GAB2: variants seen among roughly 807,000 people sequenced by gnomAD.
The protein encoded by GAB2 is GRB2-associated-binding protein 2.
Under a neutral mutation model 65.5 loss-of-function variants are expected in GAB2, and 26 were observed. That is an observed-to-expected ratio of 0.40 (90% CI 0.29 to 0.55). GAB2 has a LOEUF of 0.55. GAB2 is among the 20% of genes least tolerant of loss of function. The pLI, the probability that GAB2 is intolerant of heterozygous loss-of-function variation, is 0.53. For synonymous variants in GAB2, 321 were observed against 329.6 expected (o/e 0.97, Z 0.28); for missense variants, 884 against 875.8 (o/e 1.01, Z -0.12).
In GAB2 at chr11:78,244,766, A is replaced by G. The variant is rs150575611; in HGVS notation, c.620+5391T>C. Among the ~76,000 whole-genome samples the G allele has an allele frequency of 2.2e-3, 332 of 151,586 alleles. 1 individual carries two copies. The highest frequency in any genetic ancestry group is 7.4e-3 in the African/African-American group (305 of 41,356). ...TTATCTCACCCCAGTTGGGATGGCTATTTTCCAGAAGAAAAATAACAGATG... is the reference window on the plus strand; with the variant it reads ...TTATCTCACCCCAGTTGGGATGGCTGTTTTCCAGAAGAAAAATAACAGATG... On this transcript the variant is annotated intron_variant, in intron 3 of 9. Coordinates refer to ENST00000361507, the MANE Select transcript of GAB2 (RefSeq NM_080491.3).
intron 1 of GAB2, among the ~76,000 whole-genome samples, chr11:78,407,696 AG>A (rs1361141126): frequency 6.7e-6 from 1 of 149,784 alleles, no homozygotes; most frequent in Non-Finnish European, 1.5e-5. Flanking sequence ...AAAGAAAGAA[AG>A]AAAGAGATGG....
intron 1 of GAB2, among the ~76,000 whole-genome samples, chr11:78,391,299 AAAAT>A (rs1044313179): frequency 6.6e-6 from 1 of 152,192 alleles, no homozygotes; most frequent in Non-Finnish European, 1.5e-5. Context: ...TCTAAATTAA[AAAAT>A]AAATAAATAA....
Position 78,251,086 on chromosome 11 carries a change from C to A in GAB2, c.377-686G>T, listed in dbSNP as rs76136925. ...CCATGTAACACACTTGCACATGTAC[C>A]CTGGCATCTGAAAAACAAGTTGAAA... On this transcript the variant is annotated intron_variant, in intron 2 of 9. Transcript: ENST00000361507. Among the ~76,000 whole-genome samples, 506 of 150,890 alleles carry A rather than the reference C, an allele frequency of 3.4e-3. 1 individual carries two copies. The highest frequency in any genetic ancestry group is 0.012 in the African/African-American group (482 of 40,798).
intron 1 of GAB2, among the ~76,000 whole-genome samples, chr11:78,322,264 A>C (rs1458237045): frequency 7.2e-6 from 1 of 139,556 alleles, no homozygotes; most frequent in Non-Finnish European, 1.5e-5. Context: ...GAGCTACTGC[A>C]CTGAAGCCTG....
chr11:78,343,374 G>C (rs1384322175), intron 1 of GAB2, among the ~76,000 whole-genome samples: 1 of 145,006 alleles, frequency 6.9e-6, no homozygotes, highest in African/African-American at 2.5e-5. Flanking sequence ...AATTAGGGGA[G>C]GGAAGGAGAG....
At chr11:78,399,300 T>A (rs1856940684) in intron 1 of GAB2, among the ~76,000 whole-genome samples, 1 of 152,090 alleles carries the variant, frequency 6.6e-6, no homozygotes, top group Non-Finnish European at 1.5e-5. Context: ...GAATTAGAGA[T>A]GAAAAAAGTG....
rs1217873241 is a variant in GAB2, at chr11:78,417,688, G to A, written c.33C>T (p.Gly11=). MSGGGDVVCT[G]WLRKSPPEKK... ...TCTCGGGAGGCGATTTCCTCAGCCA[G>A]CCGGTGCACACCACGTCGCCGCCGC... Residue 11 remains glycine (G), a synonymous_variant, in exon 1 of 10, where the codon GGC becomes GGT. Transcript: ENST00000361507. 3.6e-6 allele frequency: 5 copies of A among 1,387,114 alleles called. No individual in the cohort carries two copies. The highest frequency in any genetic ancestry group is 2.6e-5 in the South Asian group (2 of 76,616). 85.9% of individuals were successfully genotyped at this position (1,387,114 alleles called of 1,614,324 possible). A position where few individuals can be genotyped will look rare whatever the true frequency, so the allele number is the denominator to read the frequency against.
chr11:78,233,040 G>GTTTTTTTTTTTTTTTTTTTTT (rs372693456), intron 3 of GAB2, among the ~76,000 whole-genome samples: 2 of 132,004 alleles, frequency 1.5e-5, no homozygotes, highest in African/African-American at 6.0e-5. Context: ...GCACTGTTAA[G>GTTTTTTTTTTTTTTTTTTTTT]TTTTTTTTTT....
intron 1 of GAB2, among the ~76,000 whole-genome samples, chr11:78,396,214 C>T (rs977162877): frequency 2.6e-5 from 4 of 152,118 alleles, no homozygotes; most frequent in East Asian, 1.9e-4. Context: ...AAAGTTTCAC[C>T]GTAGTTCAAA....
chr11:78,244,705 C>T (rs1244462877), intron 3 of GAB2, among the ~76,000 whole-genome samples: 1 of 127,222 alleles, frequency 7.9e-6, no homozygotes, highest in Non-Finnish European at 1.6e-5. Flanking sequence ...TCTCACTAAT[C>T]AGCAGGGAAA....
intron 1 of GAB2, among the ~76,000 whole-genome samples, chr11:78,339,878 G>T (rs891670762): frequency 6.6e-6 from 1 of 152,190 alleles, no homozygotes; most frequent in African/African-American, 2.4e-5. Context: ...CAACTCTAAG[G>T]CCCCTTCCAA....
intron 2 of GAB2, among the ~76,000 whole-genome samples, chr11:78,274,023 T>A (rs1266866065): frequency 6.6e-6 from 1 of 152,218 alleles, no homozygotes; most frequent in Admixed American, 6.5e-5. Context: ...TGTTTTGTTT[T>A]TGTAAATTGC....
intron 3 of GAB2, among the ~76,000 whole-genome samples, chr11:78,231,480 G>C (rs2134481837): frequency 6.6e-6 from 1 of 152,206 alleles, no homozygotes; most frequent in Middle Eastern, 3.4e-3. Context: ...ACCCTGAGTA[G>C]CTGTGATTAC....
chr11:78,320,798 T>G (rs753321657), intron 1 of GAB2, among the ~76,000 whole-genome samples: 8 of 146,560 alleles, frequency 5.5e-5, no homozygotes, highest in Non-Finnish European at 7.4e-5. Context: ...CTCAAACTCC[T>G]GGGCTCAAGT....
Position 78,219,072 on chromosome 11 carries a change from A to C in GAB2, c.*200T>G. ...TGATAAAAATCACAGCTGGGCCCCG[A>C]GTGGGCAGAGGAGGTGCCTTGATCA... On this transcript the variant is annotated 3_prime_UTR_variant, in exon 10 of 10. Transcript: ENST00000361507. 9 of 555,432 alleles carry C rather than the reference A, an allele frequency of 1.6e-5. No homozygotes were observed. The highest frequency in any genetic ancestry group is 2.9e-5 in the Non-Finnish European group (9 of 314,582). 34.4% of individuals were successfully genotyped at this position (555,432 alleles called of 1,614,324 possible).
In GAB2 at chr11:78,220,458, GAA is replaced by G. The variant is rs773471807; in HGVS notation, c.1762-16_1762-15del. ...CACTGGGTTTTGCTGTCACGAGGAG[GAA>G]AAAACTGTGAGTGACTGCAGAAAAC... On this transcript the variant is annotated splice_polypyrimidine_tract_variant and intron_variant, in intron 8 of 9. Transcript: ENST00000361507. 6.4e-7 allele frequency: 1 copy of G among 1,551,136 alleles called. No homozygotes were observed. The highest frequency in any genetic ancestry group is 8.7e-7 in the Non-Finnish European group (1 of 1,142,912).
chr11:78,372,676 A>G (rs552626857), intron 1 of GAB2, among the ~76,000 whole-genome samples: 1 of 152,312 alleles, frequency 6.6e-6, no homozygotes. Flanking sequence ...TCCAACAATC[A>G]AAAGTGAAAA....
intron 1 of GAB2, among the ~76,000 whole-genome samples, chr11:78,285,516 G>A (rs190611002): frequency 6.5e-4 from 99 of 152,286 alleles, no homozygotes; most frequent in African/African-American, 2.1e-3. Flanking sequence ...ACCCAGGCTG[G>A]TGTGCAGTGG....
At chr11:78,242,731 G>GA (rs559994792) in intron 3 of GAB2, among the ~76,000 whole-genome samples, 3 of 150,780 alleles carry the variant, frequency 2.0e-5, no homozygotes, top group Non-Finnish European at 2.9e-5. Flanking sequence ...AGTAAAAGGG[G>GA]AAAAAAAAGA....
Sources: allele counts gnomAD v4.1 joint callset (sites outside exome capture counted in the v4.1 genomes callset), GRCh38; gene constraint gnomAD v4.1.1; transcripts MANE v1.5; gene names NCBI Gene and HGNC (gene_info 2026-07-23, HGNC 2026-07-21).